The following CYP4Z1 variants were observed in gnomAD, a reference collection of about 807,000 sequenced individuals.
The protein encoded by CYP4Z1 is cytochrome P450 family 4 subfamily Z member 1.
Under a neutral mutation model 54.2 loss-of-function variants are expected in CYP4Z1, and 41 were observed. That is an observed-to-expected ratio of 0.76 (90% CI 0.59 to 0.98). The LOEUF (loss-of-function observed/expected upper bound fraction) is 0.98. Among genes scored for constraint, CYP4Z1 ranks in the 50% least tolerant of loss-of-function variants. CYP4Z1 has a pLI of 0.00. For missense variants in CYP4Z1, 513 were observed against 599.0 expected (o/e 0.86, Z 1.50); for synonymous variants, 163 against 206.2 (o/e 0.79, Z 1.79).
the CYP4Z1 span, among the ~76,000 whole-genome samples, chr1:47,060,102 A>C: frequency 2.0e-5 from 3 of 151,840 alleles, no homozygotes; most frequent in Admixed American, 2.0e-4. Flanking sequence ...GCAGAAATTC[A>C]TTTACATTTT....
At chr1:47,086,731 C>G (rs1644598195) in intron 6 of CYP4Z1, among the ~76,000 whole-genome samples, 1 of 152,140 alleles carries the variant, frequency 6.6e-6, no homozygotes, top group Non-Finnish European at 1.5e-5. Context: ...GTTTCTGTTG[C>G]CATTGCTTTT....
intron 8 of CYP4Z1, among the ~76,000 whole-genome samples, chr1:47,104,562 G>A (rs1414148939): frequency 2.0e-5 from 3 of 152,156 alleles, no homozygotes; most frequent in Admixed American, 6.5e-5. Context: ...TGGTGGTGGC[G>A]GTGATGGGCT....
chr1:47,099,021 T>G, intron 7 of CYP4Z1, 73 bp from the exon 8 acceptor site: 2 of 1,513,292 alleles, frequency 1.3e-6, no homozygotes, highest in Non-Finnish European at 1.8e-6. Context: ...CTTTTTGTAT[T>G]ATCATTGCTA....
At position 47,092,747 on chromosome 1, in the gene CYP4Z1, C is replaced by T. The variant is rs182016888; in HGVS notation, c.773-1819C>T. ...ACATTTTCTGTTGCTTGCAGAGCTG[C>T]CTGATTTTTAGCTGCTGTGAGGGTC... On this transcript the variant is annotated intron_variant, in intron 6 of 11. Transcript: ENST00000334194. 3.0e-3 allele frequency among the ~76,000 whole-genome samples: 457 copies of T among 151,740 alleles called. 12 individuals are homozygous for T. Among genetic ancestry groups the T allele is most frequent in the African/African-American group, 0.011 (443 of 41,276 alleles).
At position 47,107,441 on chromosome 1, in the gene CYP4Z1, G is replaced by A. The variant is rs190438055; in HGVS notation, c.1201+1180G>A. On this transcript the variant is annotated intron_variant, in intron 9 of 11. Coordinates refer to ENST00000334194, the MANE Select transcript of CYP4Z1 (RefSeq NM_178134.3). ...TTGCAATCATCTAGTATCTAAAGAA[G>A]TTTCCTCTTTTTAATTCAGTGTTAT... is the stretch of plus-strand genomic sequence containing the variant. Among the ~76,000 whole-genome samples, 619 of 151,830 alleles carry A rather than the reference G, an allele frequency of 4.1e-3. 3 individuals are homozygous for A. The highest frequency in any genetic ancestry group is 0.014 in the African/African-American group (579 of 41,402).
intron 9 of CYP4Z1, among the ~76,000 whole-genome samples, chr1:47,110,419 CACTGGCATGTGCCTGT>C (rs1486018520): frequency 1.4e-5 from 2 of 141,672 alleles, no homozygotes; most frequent in Non-Finnish European, 3.0e-5. Flanking sequence ...CATCTGAGGA[CACTGGCATGTGCCTGT>C]AATCCCAGCT....
At chr1:47,078,283 G>C (rs1241754379) in intron 2 of CYP4Z1, among the ~76,000 whole-genome samples, 1 of 152,032 alleles carries the variant, frequency 6.6e-6, no homozygotes, top group Admixed American at 6.5e-5. Context: ...CTCCAACTTT[G>C]ATAATTTTTT....
In CYP4Z1 at chr1:47,099,139, G is replaced by C. The variant is rs1025067732; in HGVS notation, c.922G>C (p.Val308Leu). 8.7e-6 allele frequency: 14 copies of C among 1,613,974 alleles called. No homozygotes were observed. The highest frequency in any genetic ancestry group is 1.0e-5 in the Non-Finnish European group (12 of 1,180,010). ...CTCTGAAGCAGATCTCCAGGCTGAAGTGAAAACGTTCATGTTTGCAGGACA... is the reference window on the plus strand; with the variant it reads ...CTCTGAAGCAGATCTCCAGGCTGAACTGAAAACGTTCATGTTTGCAGGACA... ...DFSEADLQAE[V>L]KTFMFAGHDT... Residue 308 changes from valine to leucine, a missense_variant, in exon 8 of 12, where the codon GTG (valine) becomes CTG (leucine). Coordinates refer to ENST00000334194, the MANE Select transcript of CYP4Z1 (RefSeq NM_178134.3).
At chr1:47,059,437 A>G in the CYP4Z1 span, among the ~76,000 whole-genome samples, 1 of 152,242 alleles carries the variant, frequency 6.6e-6, no homozygotes, top group Admixed American at 6.6e-5. Context: ...GAAGTCACTT[A>G]GAGCCTATCC....
chr1:47,092,758 G>A (rs1447289434), intron 6 of CYP4Z1, among the ~76,000 whole-genome samples: 1 of 151,374 alleles, frequency 6.6e-6, no homozygotes, highest in East Asian at 1.9e-4. Context: ...CTGATTTTTA[G>A]CTGCTGTGAG....
At chr1:47,094,748 C>T (rs1033258635) in intron 7 of CYP4Z1, 79 bp downstream of exon 7, 2 of 991,922 alleles carry the variant, frequency 2.0e-6, no homozygotes, top group Non-Finnish European at 3.0e-6. Flanking sequence ...GTGACTAGCA[C>T]CTGTAATCCA....
chr1:47,114,628 A>G (rs538843795), intron 9 of CYP4Z1, among the ~76,000 whole-genome samples: 4 of 120,500 alleles, frequency 3.3e-5, no homozygotes, highest in African/African-American at 1.3e-4. Flanking sequence ...ATCAACAAGA[A>G]GGTGAAGGAT....
intron 4 of CYP4Z1, among the ~76,000 whole-genome samples, chr1:47,083,547 G>C (rs1456587764): frequency 6.6e-6 from 1 of 152,206 alleles, no homozygotes; most frequent in Non-Finnish European, 1.5e-5. Context: ...TGTAATCCCA[G>C]CACTTTGGGA....
the CYP4Z1 span, among the ~76,000 whole-genome samples, chr1:47,056,518 G>C: frequency 2.0e-5 from 3 of 152,056 alleles, no homozygotes; most frequent in Non-Finnish European, 4.4e-5. Flanking sequence ...TTGACAGTGG[G>C]GTGTTAAATT....
At chr1:47,105,187 CA>C (rs146034613) in intron 8 of CYP4Z1, among the ~76,000 whole-genome samples, 46,994 of 151,734 alleles carry the variant, frequency 0.31, 7,973 homozygotes, top group East Asian at 0.69. Context: ...CCCACCTTGG[CA>C]CCAGCAGCAG....
At chr1:47,087,483 T>G (rs2148531633) in intron 6 of CYP4Z1, among the ~76,000 whole-genome samples, 1 of 152,348 alleles carries the variant, frequency 6.6e-6, no homozygotes, top group East Asian at 1.9e-4. Flanking sequence ...CACTCATGAT[T>G]TGCTCTCTGT....
intron 4 of CYP4Z1, among the ~76,000 whole-genome samples, chr1:47,084,085 G>A (rs1644574585): frequency 6.6e-6 from 1 of 152,108 alleles, no homozygotes; most frequent in South Asian, 2.1e-4. Context: ...GTATGTCCAA[G>A]GGGGTAAATA....
At chr1:47,059,350 C>T in the CYP4Z1 span, among the ~76,000 whole-genome samples, 1 of 152,070 alleles carries the variant, frequency 6.6e-6, no homozygotes, top group Non-Finnish European at 1.5e-5. Flanking sequence ...AAATGAAAAA[C>T]AAACTTCATT....
intron 8 of CYP4Z1, among the ~76,000 whole-genome samples, chr1:47,101,002 G>A (rs1644717421): frequency 6.6e-6 from 1 of 152,152 alleles, no homozygotes; most frequent in Non-Finnish European, 1.5e-5. Context: ...AACGTTTCCA[G>A]GAATTTATCC....
Sources: gnomAD v4.1 joint callset for allele counts (sites outside exome capture counted in the v4.1 genomes callset) on GRCh38, gnomAD v4.1.1 for gene constraint, MANE v1.5 for transcripts, NCBI Gene and HGNC (gene_info 2026-07-23, HGNC 2026-07-21) for gene names.